TNR: variants seen among roughly 807,000 people sequenced by gnomAD.
TNR encodes tenascin R.
In TNR, 45 loss-of-function variants were observed where a neutral mutation model predicts 150.4. The ratio of observed to expected loss-of-function variants is 0.30; its 90% CI spans 0.24 to 0.38. The LOEUF (loss-of-function observed/expected upper bound fraction) is 0.38, where lower values mean the gene tolerates loss of function less well. Among genes scored for constraint, TNR ranks in the 10% least tolerant of loss-of-function variants. TNR has a pLI of 1.00. For missense variants in TNR, 1,544 were observed against 1,759.1 expected (o/e 0.88, Z 2.19); for synonymous variants, 687 against 678.4 (o/e 1.01, Z -0.20).
intron 2 of TNR, among the ~76,000 whole-genome samples, chr1:175,482,875 C>T (rs1310342184): frequency 6.6e-6 from 1 of 152,208 alleles, no homozygotes; most frequent in Non-Finnish European, 1.5e-5. Flanking sequence ...TGCACTAGCA[C>T]AATCAGGAGT....
At chr1:175,647,369 C>G (rs1412961603) in intron 1 of TNR, among the ~76,000 whole-genome samples, 1 of 150,998 alleles carries the variant, frequency 6.6e-6, no homozygotes, top group Non-Finnish European at 1.5e-5. Context: ...TCTTTAAGAG[C>G]CTTTCTTTCC....
chr1:175,635,261 G>A (rs1286298034), intron 1 of TNR, among the ~76,000 whole-genome samples: 1 of 152,212 alleles, frequency 6.6e-6, no homozygotes, highest in Non-Finnish European at 1.5e-5. Context: ...TGAGCAGCTG[G>A]AGCAGCTCCA....
At chr1:175,443,116 A>G (rs1272330200) in intron 2 of TNR, among the ~76,000 whole-genome samples, 1 of 152,228 alleles carries the variant, frequency 6.6e-6, no homozygotes, top group African/African-American at 2.4e-5. Flanking sequence ...GGTAATTTAG[A>G]AAAAGCCCCA....
chr1:175,438,765 C>G (rs1256472635), intron 2 of TNR, among the ~76,000 whole-genome samples: 1 of 152,112 alleles, frequency 6.6e-6, no homozygotes, highest in African/African-American at 2.4e-5. Context: ...GAGTGAACTC[C>G]CATTCACAAT....
intron 10 of TNR, 127 bp from the exon 11 acceptor site, chr1:175,366,265 G>T: frequency 9.6e-7 from 1 of 1,036,456 alleles, no homozygotes; most frequent in Middle Eastern, 2.5e-4. Flanking sequence ...TGTCATTGCT[G>T]ACACTTATCT....
intron 1 of TNR, among the ~76,000 whole-genome samples, chr1:175,575,464 A>G (rs1037680295): frequency 6.6e-5 from 10 of 152,068 alleles, no homozygotes; most frequent in Non-Finnish European, 1.3e-4. Flanking sequence ...ACTCATCTCT[A>G]CCCTCAGCCT....
chr1:175,678,302 G>C lies in TNR; in HGVS notation c.-165+64924C>G, dbSNP rs541197424. Among the ~76,000 whole-genome samples the C allele has an allele frequency of 3.3e-5, 5 of 152,256 alleles. No homozygotes were observed. The South Asian group carries it at 1.0e-3, about 32-fold the overall frequency. On this transcript the variant is annotated intron_variant, in intron 1 of 22. Coordinates refer to ENST00000367674, the MANE Select transcript of TNR (RefSeq NM_003285.3). ...TCTGCCTAGTGGGTGGGTAGAGGGG[G>C]CACGTGTTAAACACGCAGGTTCCCT...
intron 2 of TNR, among the ~76,000 whole-genome samples, chr1:175,502,529 G>A (rs371617743): frequency 2.0e-5 from 3 of 152,100 alleles, no homozygotes; most frequent in South Asian, 2.1e-4. Flanking sequence ...AGGGTTGACT[G>A]AGGCCTCAGT....
intron 7 of TNR, 49 bp downstream of exon 7, chr1:175,391,239 C>T: frequency 1.3e-6 from 2 of 1,594,226 alleles, no homozygotes; most frequent in Non-Finnish European, 1.7e-6. Flanking sequence ...TGGTTCTTTT[C>T]CAAGTGACCT....
At chr1:175,324,905 G>A (rs1329870277) in intron 21 of TNR, among the ~76,000 whole-genome samples, 1 of 152,140 alleles carries the variant, frequency 6.6e-6, no homozygotes, top group African/African-American at 2.4e-5. Context: ...GCCATTCTAG[G>A]GCACCACCAT....
intron 1 of TNR, among the ~76,000 whole-genome samples, chr1:175,586,080 G>T (rs896051448): frequency 3.9e-5 from 6 of 152,192 alleles, no homozygotes; most frequent in Non-Finnish European, 8.8e-5. Context: ...CCTATGATGA[G>T]ATGAGTACGG....
chr1:175,585,915 C>T (rs550609358), intron 1 of TNR, among the ~76,000 whole-genome samples: 51 of 152,288 alleles, frequency 3.3e-4, no homozygotes, highest in African/African-American at 1.2e-3. Flanking sequence ...CAGACTTAGG[C>T]TGCTCAGGGC....
chr1:175,369,990 T>C (rs1370178174), intron 9 of TNR, among the ~76,000 whole-genome samples: 2 of 152,198 alleles, frequency 1.3e-5, no homozygotes, highest in Non-Finnish European at 2.9e-5. Context: ...GGCATTCGAA[T>C]CAGCCCTCTT....
rs192815906 is a variant in TNR, at chr1:175,325,990, A to C, written c.3794-1471T>G. 3.9e-3 allele frequency among the ~76,000 whole-genome samples: 590 copies of C among 152,336 alleles called. 2 individuals carry two copies. Among genetic ancestry groups the C allele is most frequent in the Middle Eastern group, 6.8e-3 (2 of 292 alleles). On this transcript the variant is annotated intron_variant, in intron 21 of 22. Coordinates refer to ENST00000367674, the MANE Select transcript of TNR (RefSeq NM_003285.3). ...TATGTAACAAACCTGCACATTGTGC[A>C]CATGTACCCTAGAACTTAGAGTGTA... is the stretch of plus-strand genomic sequence containing the variant.
At position 175,391,417 on chromosome 1, in the gene TNR, C is replaced by T. The variant is rs1222226545; in HGVS notation, c.1378G>A (p.Ala460Thr). ...IPKNNEGGVI[A>T]QVPSDVTSFN... ...GACGTAACATCGCTGGGGACCTGAGCAATCACTCCCCCTTCATTGTTCTGG... is the reference window on the plus strand; with the variant it reads ...GACGTAACATCGCTGGGGACCTGAGTAATCACTCCCCCTTCATTGTTCTGG... The change falls in exon 7 of 23, where the codon GCT becomes ACT. Residue 460 changes from alanine (A) to threonine (T), a missense_variant. Coordinates refer to ENST00000367674, the MANE Select transcript of TNR (RefSeq NM_003285.3). 3 of 1,614,132 alleles carry T rather than the reference C, an allele frequency of 1.9e-6. No homozygotes were observed. Among genetic ancestry groups the T allele is most frequent in the Admixed American group, 3.3e-5 (2 of 60,018 alleles).
rs1665726548 is a variant in TNR, at chr1:175,672,254, C to T, written c.-165+70972G>A. On this transcript the variant is annotated intron_variant, in intron 1 of 22. Transcript: ENST00000367674. ...AACAAATGTCCCATCCCTGCCCTGC[C>T]TCCCCTGGTCAGCCAGCTTGCATTC... is the stretch of plus-strand genomic sequence containing the variant. Among the ~76,000 whole-genome samples, 10 of 152,286 alleles carry T rather than the reference C, an allele frequency of 6.6e-5. 1 individual carries two copies. In the South Asian group the frequency reaches 2.1e-3, roughly 32 times the overall value.
intron 2 of TNR, among the ~76,000 whole-genome samples, chr1:175,452,720 T>G (rs1435531030): frequency 1.3e-5 from 2 of 152,234 alleles, no homozygotes; most frequent in Non-Finnish European, 2.9e-5. Context: ...TGACGGGAAC[T>G]GATTTGTATT....
intron 8 of TNR, among the ~76,000 whole-genome samples, chr1:175,380,848 T>C (rs993787345): frequency 3.3e-5 from 5 of 152,246 alleles, no homozygotes; most frequent in Non-Finnish European, 5.9e-5. Flanking sequence ...TGAATTTAAC[T>C]TTGGAGTGAA....
intron 1 of TNR, among the ~76,000 whole-genome samples, chr1:175,710,630 T>A (rs1183725313): frequency 6.6e-6 from 1 of 152,136 alleles, no homozygotes; most frequent in Non-Finnish European, 1.5e-5. Flanking sequence ...TCAACAATTA[T>A]TCCCTTAGCA....
Sources: allele counts gnomAD v4.1 joint callset (sites outside exome capture counted in the v4.1 genomes callset), GRCh38; gene constraint gnomAD v4.1.1; transcripts MANE v1.5; gene names NCBI Gene and HGNC (gene_info 2026-07-23, HGNC 2026-07-21).